The following KCND3 variants were observed in gnomAD, a reference collection of about 807,000 sequenced individuals.
The protein encoded by KCND3 is A-type voltage-gated potassium channel KCND3.
Under a neutral mutation model 51.1 loss-of-function variants are expected in KCND3, and 9 were observed. The ratio of observed to expected loss-of-function variants is 0.18; its 90% CI spans 0.11 to 0.31. The LOEUF is 0.31. KCND3 is among the 10% of genes least tolerant of loss of function. KCND3 has a pLI of 1.00. For missense variants in KCND3, 526 were observed against 903.8 expected (o/e 0.58, Z 5.36); for synonymous variants, 349 against 368.0 (o/e 0.95, Z 0.59).
chr1:111,915,965 C>A (rs922759393), intron 2 of KCND3, among the ~76,000 whole-genome samples: 2 of 151,572 alleles, frequency 1.3e-5, no homozygotes, highest in African/African-American at 4.8e-5. Context: ...ATAGACAAAA[C>A]CACACCTATA....
intron 2 of KCND3, among the ~76,000 whole-genome samples, chr1:111,882,457 G>C (rs1161678238): frequency 1.3e-5 from 2 of 152,250 alleles, no homozygotes; most frequent in Non-Finnish European, 2.9e-5. Context: ...AGAGAACACT[G>C]TGCAGATTCC....
chr1:111,922,363 C>A (rs1671510347), intron 2 of KCND3, among the ~76,000 whole-genome samples: 1 of 152,202 alleles, frequency 6.6e-6, no homozygotes, highest in Admixed American at 6.5e-5. Context: ...AGGAGGGGTT[C>A]TTCCCACACA....
intron 3 of KCND3, among the ~76,000 whole-genome samples, chr1:111,784,824 G>A (rs1419371988): frequency 1.3e-5 from 2 of 152,016 alleles, no homozygotes. Flanking sequence ...AGAAGAGGGA[G>A]AGGGAAAGGG....
intron 6 of KCND3, 80 bp downstream of exon 6, chr1:111,778,356 C>CG (rs1664221045): frequency 3.8e-6 from 5 of 1,330,998 alleles, no homozygotes; most frequent in East Asian, 4.6e-5. Flanking sequence ...AGAACCAGGC[C>CG]GGGGGGTAAA....
intron 2 of KCND3, among the ~76,000 whole-genome samples, chr1:111,883,064 T>A (rs1384684183): frequency 2.6e-5 from 4 of 152,226 alleles, no homozygotes; most frequent in Admixed American, 2.6e-4. Flanking sequence ...AAGATAGTAA[T>A]AATGGCTTCC....
intron 2 of KCND3, among the ~76,000 whole-genome samples, chr1:111,975,681 G>A (rs915280738): frequency 1.3e-5 from 2 of 152,174 alleles, no homozygotes; most frequent in South Asian, 4.1e-4. Flanking sequence ...AGTCCTTGTG[G>A]TGGTCATGAG....
At chr1:111,879,628 G>A (rs1669210292) in intron 2 of KCND3, among the ~76,000 whole-genome samples, 1 of 152,174 alleles carries the variant, frequency 6.6e-6, no homozygotes, top group East Asian at 1.9e-4. Flanking sequence ...TGAATTCAAG[G>A]GGGCTGTCTT....
chr1:111,790,115 A>T (rs554951445), intron 2 of KCND3, among the ~76,000 whole-genome samples: 1 of 152,232 alleles, frequency 6.6e-6, no homozygotes, highest in Non-Finnish European at 1.5e-5. Context: ...TCAACAACTT[A>T]TAAAAGCCAG....
chr1:111,938,132 CT>C (rs1672309636), intron 2 of KCND3, among the ~76,000 whole-genome samples: 1 of 152,188 alleles, frequency 6.6e-6, no homozygotes. Context: ...GAATCATTGA[CT>C]GTTAGTGATG....
chr1:111,989,097 G>A (rs1462065417), intron 1 of KCND3: 1 of 152,312 alleles, frequency 6.6e-6, no homozygotes, highest in African/African-American at 2.4e-5. Flanking sequence ...CGCCGAGCTG[G>A]AGAACTTTGC....
chr1:111,883,080 C>T (rs1669411168), intron 2 of KCND3, among the ~76,000 whole-genome samples: 2 of 152,336 alleles, frequency 1.3e-5, no homozygotes, highest in South Asian at 4.1e-4. Context: ...CTTCCCATTG[C>T]CCAAACAACT....
chr1:111,866,911 C>T (rs749240125), intron 2 of KCND3, among the ~76,000 whole-genome samples: 1 of 152,216 alleles, frequency 6.6e-6, no homozygotes, highest in African/African-American at 2.4e-5. Flanking sequence ...ATTAAATATG[C>T]AGCTTCCCAA....
intron 2 of KCND3, among the ~76,000 whole-genome samples, chr1:111,875,786 C>A (rs1197332495): frequency 1.3e-5 from 2 of 152,254 alleles, no homozygotes; most frequent in East Asian, 3.8e-4. Flanking sequence ...GAATTCCATT[C>A]TTTCCGCTAA....
chr1:111,953,876 T>C (rs1041138065), intron 2 of KCND3, among the ~76,000 whole-genome samples: 3 of 152,334 alleles, frequency 2.0e-5, no homozygotes, highest in South Asian at 2.1e-4. Context: ...AGGAGGCTCA[T>C]TGAGGGCGTT....
intron 2 of KCND3, among the ~76,000 whole-genome samples, chr1:111,868,052 C>A (rs562298): frequency 6.6e-6 from 1 of 152,196 alleles, no homozygotes; most frequent in Non-Finnish European, 1.5e-5. Flanking sequence ...GAGTGCCTGG[C>A]AAACTAAACA....
intron 2 of KCND3, among the ~76,000 whole-genome samples, chr1:111,827,112 AT>A (rs1191601546): frequency 6.6e-6 from 1 of 152,244 alleles, no homozygotes; most frequent in African/African-American, 2.4e-5. Context: ...CTTAGCCTGT[AT>A]GATTATTTCC....
rs138794549 is a variant in KCND3, at chr1:111,852,453, C to A, written c.1107-65347G>T. On this transcript the variant is annotated intron_variant, in intron 2 of 7. Transcript: ENST00000302127. ...CAGGCGTCATCTACATAAGCCTGGC[C>A]CAGACAGCTTCCAGCCTGGTGCTGG... is the stretch of plus-strand genomic sequence containing the variant. Among the ~76,000 whole-genome samples, 1,162 of 152,298 alleles carry A rather than the reference C, an allele frequency of 7.6e-3. 18 individuals are homozygous for A. Among genetic ancestry groups the A allele is most frequent in the African/African-American group, 0.027 (1,103 of 41,554 alleles).
At chr1:111,809,650 CGTGTGT>C (rs10591522) in intron 2 of KCND3, among the ~76,000 whole-genome samples, 6 of 149,928 alleles carry the variant, frequency 4.0e-5, no homozygotes, top group East Asian at 2.0e-4. Context: ...TCACATTTCC[CGTGTGT>C]GTGTGTGTGT....
At chr1:111,960,518 C>T (rs185302505) in intron 2 of KCND3, among the ~76,000 whole-genome samples, 87 of 152,326 alleles carry the variant, frequency 5.7e-4, no homozygotes, top group African/African-American at 2.0e-3. Flanking sequence ...TGGTCAGGCA[C>T]GGACAGTTCC....
Sources: gnomAD v4.1 joint callset for allele counts (sites outside exome capture counted in the v4.1 genomes callset) on GRCh38, gnomAD v4.1.1 for gene constraint, MANE v1.5 for transcripts, NCBI Gene and HGNC (gene_info 2026-07-23, HGNC 2026-07-21) for gene names.